The following POLQ variants were observed in gnomAD, a reference collection of about 807,000 sequenced individuals.
POLQ encodes epididymis secretory sperm binding protein.
A neutral mutation model predicts 259.2 loss-of-function variants in POLQ; 233 were observed. That is an observed-to-expected ratio of 0.90 (90% CI 0.81 to 1.00). The LOEUF (loss-of-function observed/expected upper bound fraction) is 1.00. POLQ is among the 50% of genes least tolerant of loss of function. POLQ has a pLI of 0.00. For synonymous variants in POLQ, 1,025 were observed against 1,048.8 expected (o/e 0.98, Z 0.44); for missense variants, 2,871 against 3,051.6 (o/e 0.94, Z 1.39).
chr3:121,473,407 T>A lies in POLQ; in HGVS notation c.6486A>T (p.Arg2162Ser). The A allele has an allele frequency of 6.2e-7, 1 of 1,614,088 alleles. No homozygotes were observed. The highest frequency in any genetic ancestry group is 8.5e-7 in the Non-Finnish European group (1 of 1,179,932). The change falls in exon 21 of 30, where the codon AGA becomes AGT. Residue 2162 changes from arginine (R) to serine (S), a missense_variant. Around this residue, in one of 3 missense-constraint regions of POLQ, gnomAD observed 2,080 missense variants for 2,126.0 expected, o/e 0.98. Coordinates refer to ENST00000264233, the MANE Select transcript of POLQ (RefSeq NM_199420.4). ...GCTTGCGTCCATTGTCAATCCCTCTTCTGGTAGAACCCAGAGTTTTCTTGC... is the reference window on the plus strand; with the variant it reads ...GCTTGCGTCCATTGTCAATCCCTCTACTGGTAGAACCCAGAGTTTTCTTGC... Reference protein sequence around the residue: ...QGSKKTLGSTRRGIDNGRKLR... With the variant: ...QGSKKTLGSTSRGIDNGRKLR...
At chr3:121,439,228 CTTT>C (rs5852268) in intron 27 of POLQ, among the ~76,000 whole-genome samples, 18 of 143,014 alleles carry the variant, frequency 1.3e-4, no homozygotes, top group Admixed American at 1.4e-4. Flanking sequence ...GAGATAGTGC[CTTT>C]TTTTTTTTTT....
At chr3:121,502,867 C>T (rs2048182574) in intron 12 of POLQ, among the ~76,000 whole-genome samples, 1 of 151,886 alleles carries the variant, frequency 6.6e-6, no homozygotes. Flanking sequence ...TTTAAGAATA[C>T]TTCTTTATTT....
intron 24 of POLQ, among the ~76,000 whole-genome samples, chr3:121,460,643 T>C (rs2047784121): frequency 6.6e-6 from 1 of 152,214 alleles, no homozygotes; most frequent in South Asian, 2.1e-4. Flanking sequence ...TAATAGGCCC[T>C]TAACAAATGC....
At chr3:121,435,184 G>A (rs373445695) in intron 28 of POLQ, among the ~76,000 whole-genome samples, 4 of 152,064 alleles carry the variant, frequency 2.6e-5, no homozygotes, top group African/African-American at 9.7e-5. Context: ...AAAGTCTGCT[G>A]TCATGGTTTG....
chr3:121,452,805 G>T (rs555870584), intron 25 of POLQ, among the ~76,000 whole-genome samples: 2 of 152,140 alleles, frequency 1.3e-5, no homozygotes, highest in Admixed American at 1.3e-4. Flanking sequence ...CACCTCTGGG[G>T]GCAGGGCACA....
Position 121,545,945 on chromosome 3 carries a change from G to C in POLQ, c.-68C>G. The C allele has an allele frequency of 6.4e-7, 1 of 1,563,348 alleles. No homozygotes were observed. The highest frequency in any genetic ancestry group is 1.1e-5 in the South Asian group (1 of 87,922). On this transcript the variant is annotated 5_prime_UTR_variant, in exon 1 of 30. Transcript: ENST00000264233. ...CGTCCTCCCTCTCGGGAGAACCCTG[G>C]CCTGGCAACAGCTGCGGACATCTTC...
Position 121,522,107 on chromosome 3 carries a change from TG to T in POLQ, c.1150del (p.Gln384LysfsTer7), listed in dbSNP as rs774240815. The part of the protein sequence containing the change: ...PSECPPVILE[Q>X]KELLEVMDQL... ...ATCCATCACTTCCAGGAGTTCTTTT[TG>T]TTCCAGAATTACTGGTGGGCATTCA... On this transcript the variant is annotated frameshift_variant, in exon 8 of 30. Transcript: ENST00000264233. LOFTEE classifies it high-confidence loss of function. The T allele has an allele frequency of 6.2e-7, 1 of 1,610,502 alleles. No individual in the cohort carries two copies. Among genetic ancestry groups the T allele is most frequent in the Non-Finnish European group, 8.5e-7 (1 of 1,178,556 alleles).
intron 9 of POLQ, among the ~76,000 whole-genome samples, chr3:121,515,536 C>T (rs546483966): frequency 1.8e-3 from 272 of 152,322 alleles, no homozygotes; most frequent in African/African-American, 6.1e-3. Context: ...CTTGTGGGTT[C>T]ACCTGATAGC....
At position 121,488,048 on chromosome 3, in the gene POLQ, G is replaced by T. The variant is rs1174712299; in HGVS notation, c.4883C>A (p.Ser1628Ter). ...SKLTGTRQNH[S>*]FIWSGASFDL... ...AAATGATGCCCCTGACCATATGAATGAATGATTTTGCCTGGTCCCAGTTAA... is the reference window on the plus strand; with the variant it reads ...AAATGATGCCCCTGACCATATGAATTAATGATTTTGCCTGGTCCCAGTTAA... The change falls in exon 16 of 30, where the codon TCA becomes TAA. Residue 1628 changes from serine (S) to a stop codon, truncating the protein, a stop_gained. Coordinates refer to ENST00000264233, the MANE Select transcript of POLQ (RefSeq NM_199420.4). LOFTEE classifies it high-confidence loss of function. 6.2e-7 allele frequency: 1 copy of T among 1,613,978 alleles called. No homozygotes were observed. The highest frequency in any genetic ancestry group is 8.5e-7 in the Non-Finnish European group (1 of 1,179,920).
intron 20 of POLQ, 85 bp downstream of exon 20, chr3:121,476,455 T>TAC (rs71678533): frequency 0.023 from 16,656 of 726,056 alleles, 92 homozygotes; most frequent in African/African-American, 0.055. Flanking sequence ...TTCAGGTAAA[T>TAC]ACACACACAC....
intron 25 of POLQ, among the ~76,000 whole-genome samples, chr3:121,458,398 A>G (rs1013150216): frequency 6.6e-6 from 1 of 151,762 alleles, no homozygotes; most frequent in Non-Finnish European, 1.5e-5. Context: ...TAATAAAATA[A>G]AAATAAATAA....
At chr3:121,498,103 G>A (rs1006809888) in intron 13 of POLQ, among the ~76,000 whole-genome samples, 1 of 151,972 alleles carries the variant, frequency 6.6e-6, no homozygotes, top group Non-Finnish European at 1.5e-5. Context: ...CTGAGGTCAG[G>A]AGTTTAAGAC....
intron 16 of POLQ, among the ~76,000 whole-genome samples, chr3:121,485,398 T>G (rs1415965354): frequency 6.6e-6 from 1 of 152,204 alleles, no homozygotes; most frequent in East Asian, 1.9e-4. Context: ...TATCAAGGAT[T>G]TGTTAAAATA....
At chr3:121,522,754 G>A (rs555831728) in intron 7 of POLQ, among the ~76,000 whole-genome samples, 3 of 152,188 alleles carry the variant, frequency 2.0e-5, no homozygotes, top group African/African-American at 7.2e-5. Context: ...AACTGTGTAA[G>A]GGTAAGACGA....
Position 121,490,313 on chromosome 3 carries a change from C to T in POLQ, c.2618G>A (p.Arg873Lys). 2 of 1,614,240 alleles carry T rather than the reference C, an allele frequency of 1.2e-6. No homozygotes were observed. The highest frequency in any genetic ancestry group is 1.7e-6 in the Non-Finnish European group (2 of 1,180,044). ...TTCCACTATAAGGGCTGCTGCTTCC[C>T]TTTCAGTTAAACCTTTTCTGCCAGT... The part of the protein sequence containing the change: ...WVTGRKGLTE[R>K]EAAALIVEEA... The change falls in exon 16 of 30, where the codon AGG (arginine) becomes AAG (lysine). Residue 873 changes from arginine to lysine, a missense_variant. Transcript: ENST00000264233.
At chr3:121,435,452 A>G (rs149494843) in intron 28 of POLQ, among the ~76,000 whole-genome samples, 1 of 152,338 alleles carries the variant, frequency 6.6e-6, no homozygotes, top group East Asian at 1.9e-4. Context: ...ACATATCCTT[A>G]AAGTATGGTC....
intron 22 of POLQ, 24 bp from the exon 23 acceptor site, chr3:121,468,455 A>T (rs779079184): frequency 6.4e-7 from 1 of 1,562,700 alleles, no homozygotes; most frequent in Admixed American, 1.8e-5. Flanking sequence ...GAATAAAGAC[A>T]TAAAATCAGG....
chr3:121,458,384 A>C (rs2047761219), intron 25 of POLQ, among the ~76,000 whole-genome samples: 1 of 151,836 alleles, frequency 6.6e-6, no homozygotes, highest in Admixed American at 6.6e-5. Context: ...TTAAAGTATA[A>C]TAATAATAAA....
Position 121,493,610 on chromosome 3 carries a change from A to C in POLQ, c.2390T>G (p.Val797Gly), listed in dbSNP as rs2048089652. ...CTGAGCATTTAGTAAGGATACCCGA[A>C]CCAGGTCACACAGCTCCCTCTGGAT... The part of the protein sequence containing the change: ...FGIQRELCDL[V>G]RVSLLNAQRA... The change falls in exon 15 of 30, where the codon GTT becomes GGT. Residue 797 changes from valine to glycine, a missense_variant. Around this residue, in one of 3 missense-constraint regions of POLQ, gnomAD observed 2,080 missense variants for 2,126.0 expected, o/e 0.98. Coordinates refer to ENST00000264233, the MANE Select transcript of POLQ (RefSeq NM_199420.4). 6.2e-7 allele frequency: 1 copy of C among 1,613,994 alleles called. No individual in the cohort carries two copies.
Sources: gnomAD v4.1 joint callset for allele counts (sites outside exome capture counted in the v4.1 genomes callset) on GRCh38, gnomAD v4.1.1 for gene constraint, gnomAD v4.1.1 regional missense constraint, MANE v1.5 for transcripts, NCBI Gene and HGNC (gene_info 2026-07-23, HGNC 2026-07-21) for gene names.